The following FBP2 variants were observed in gnomAD, a reference collection of about 807,000 sequenced individuals.
FBP2 encodes fructose-1,6-bisphosphatase isozyme 2.
Under a neutral mutation model 31.6 loss-of-function variants are expected in FBP2, and 27 were observed. The ratio of observed to expected loss-of-function variants is 0.85; its 90% CI spans 0.63 to 1.18. The LOEUF (loss-of-function observed/expected upper bound fraction) is 1.18, where lower values mean the gene tolerates loss of function less well. Ranked by LOEUF, FBP2 falls within the 50% of genes most tolerant of loss-of-function variation. The pLI is 0.00. For missense variants in FBP2, 421 were observed against 436.1 expected (o/e 0.97, Z 0.31); for synonymous variants, 168 against 179.8 (o/e 0.93, Z 0.53).
Position 94,593,721 on chromosome 9 carries a change from C to G in FBP2, c.6G>C (p.Thr2=), listed in dbSNP as rs770271718. The G allele has an allele frequency of 1.9e-6, 3 of 1,614,024 alleles. No homozygotes were observed. The highest frequency in any genetic ancestry group is 1.7e-6 in the Non-Finnish European group (2 of 1,179,952). The stretch of plus-strand genomic sequence containing the variant: ...TGTCGGTTTCGAAGGGGCTTCTGTC[C>G]GTCATTTTGGCTGGAATGCTTCAAA... M[T]DRSPFETDML... The change falls in exon 1 of 7, where the codon ACG becomes ACC. Residue 2 remains threonine (T), a synonymous_variant. Coordinates refer to ENST00000375337, the MANE Select transcript of FBP2 (RefSeq NM_003837.4).
At chr9:94,582,367 T>C (rs1428479556) in intron 3 of FBP2, among the ~76,000 whole-genome samples, 1 of 151,666 alleles carries the variant, frequency 6.6e-6, no homozygotes, top group Non-Finnish European at 1.5e-5. Flanking sequence ...TGTGTGTGTG[T>C]GTGTGTGTGT....
chr9:94,589,799 G>C (rs1018697792), intron 1 of FBP2, among the ~76,000 whole-genome samples: 2 of 147,880 alleles, frequency 1.4e-5, no homozygotes, highest in African/African-American at 5.0e-5. Flanking sequence ...TGAGCAGTCA[G>C]CTGTCTTGGA....
intron 3 of FBP2, among the ~76,000 whole-genome samples, chr9:94,575,297 T>A (rs1280789288): frequency 1.3e-5 from 2 of 152,174 alleles, no homozygotes; most frequent in Admixed American, 1.3e-4. Flanking sequence ...CACTATCACC[T>A]CCTGCCAAAG....
At chr9:94,566,193 G>A (rs1827186846) in intron 5 of FBP2, among the ~76,000 whole-genome samples, 1 of 152,180 alleles carries the variant, frequency 6.6e-6, no homozygotes, top group Non-Finnish European at 1.5e-5. Context: ...GCACTGTTGG[G>A]AACAGGCCCC....
intron 3 of FBP2, among the ~76,000 whole-genome samples, chr9:94,575,017 G>A (rs1827302780): frequency 6.6e-6 from 1 of 152,014 alleles, no homozygotes; most frequent in Non-Finnish European, 1.5e-5. Context: ...CTACTTTTTG[G>A]TAAAATTAAT....
At chr9:94,591,329 C>A (rs541931569) in intron 1 of FBP2, among the ~76,000 whole-genome samples, 15 of 152,342 alleles carry the variant, frequency 9.8e-5, no homozygotes, top group South Asian at 4.1e-4. Flanking sequence ...TCGAGCGCAG[C>A]GCCAGTGGGC....
rs754176336 is a variant in FBP2 at position 94,563,431 on chromosome 9, C to T, written c.736G>A (p.Val246Met). Reference protein sequence around the residue: ...DGSAPYGARYVGSMVADVHRT... With the variant: ...DGSAPYGARYMGSMVADVHRT... ...TGCACGTCAGCCACCATGGAGCCCA[C>T]ATACCTGGCCCCATAGGGAGCACTG... Residue 246 changes from valine to methionine, a missense_variant, in exon 6 of 7, where the codon GTG becomes ATG. Transcript: ENST00000375337. 3 of 1,614,018 alleles carry T rather than the reference C, an allele frequency of 1.9e-6. No homozygotes were observed. The South Asian group carries it at 3.3e-5, about 18-fold the overall frequency.
intron 5 of FBP2, among the ~76,000 whole-genome samples, chr9:94,566,148 C>A (rs574661793): frequency 6.6e-6 from 1 of 152,206 alleles, no homozygotes; most frequent in African/African-American, 2.4e-5. Flanking sequence ...CTTTTGACTT[C>A]TTTTTGTTTC....
intron 5 of FBP2, 136 bp downstream of exon 5, chr9:94,567,134 T>TC (rs11370106): frequency 0.45 from 352,198 of 774,652 alleles, 83,541 homozygotes; most frequent in East Asian, 0.62. Flanking sequence ...AAAGGCAGAG[T>TC]CCATCATCTT....
Position 94,584,658 on chromosome 9 carries a change from C to A in FBP2, c.345G>T (p.Val115=). 1.2e-6 allele frequency: 2 copies of A among 1,610,178 alleles called. No homozygotes were observed. The highest frequency in any genetic ancestry group is 3.3e-5 in the Admixed American group (2 of 60,004). The change falls in exon 3 of 7, where the codon GTG becomes GTT. Residue 115 remains valine (V), a synonymous_variant. Transcript: ENST00000375337. ...ITAKEKRGKY[V]VCFDPLDGSS... is the part of the protein sequence containing the mutation. ...ATCCATCCAGTGGGTCAAAGCAGAC[C>A]ACGTATTTCCCCTAAATCAGAGAGG...
At chr9:94,564,688 A>G (rs889802198) in intron 5 of FBP2, among the ~76,000 whole-genome samples, 3 of 152,116 alleles carry the variant, frequency 2.0e-5, no homozygotes, top group African/African-American at 7.2e-5. Flanking sequence ...GAGGGGGAGG[A>G]GCAGAAAAGA....
At chr9:94,582,848 CCCTTT>C in intron 3 of FBP2, among the ~76,000 whole-genome samples, 1 of 141,994 alleles carries the variant, frequency 7.0e-6, no homozygotes, top group South Asian at 2.2e-4. Flanking sequence ...CTTCCCAGCC[CCCTTT>C]TTTTTTTTTT....
In FBP2 at chr9:94,559,113, C is replaced by T; in HGVS notation, c.845G>A (p.Cys282Tyr). ...CTCAATGATGTAGGCCACGGGATTG[C>T]ATTCATACAGGAGCCGGAGCTGTGG... The part of the protein sequence containing the change: ...PKGKLRLLYE[C>Y]NPVAYIIEQA... The change falls in exon 7 of 7, where the codon TGC becomes TAC. Residue 282 changes from cysteine to tyrosine, a missense_variant. Cys to Tyr is a radical substitution (Grantham distance 194). Coordinates refer to ENST00000375337, the MANE Select transcript of FBP2 (RefSeq NM_003837.4). The T allele has an allele frequency of 1.9e-6, 3 of 1,612,508 alleles. No homozygotes were observed. The highest frequency in any genetic ancestry group is 2.5e-6 in the Non-Finnish European group (3 of 1,179,138).
intron 2 of FBP2, among the ~76,000 whole-genome samples, chr9:94,586,230 C>A (rs1259170394): frequency 2.6e-5 from 4 of 152,020 alleles, no homozygotes; most frequent in Non-Finnish European, 5.9e-5. Context: ...CAAAAATTAG[C>A]GGGGCATGGT....
chr9:94,593,807 A>T lies in FBP2; in HGVS notation c.-81T>A. 1 of 1,494,780 alleles carries T rather than the reference A, an allele frequency of 6.7e-7. No homozygotes were observed. The highest frequency in any genetic ancestry group is 2.3e-5 in the East Asian group (1 of 43,690). The allele number at this position is 1,494,780 out of a possible 1,614,324, so 92.6% of individuals were successfully genotyped here. ...GAGGGCTGCAGCTCCGCAGTGTGGA[A>T]GCCGATAAGAAATCTGTGCTGGCCC... On this transcript the variant is annotated 5_prime_UTR_variant, in exon 1 of 7. Coordinates refer to ENST00000375337, the MANE Select transcript of FBP2 (RefSeq NM_003837.4).
At chr9:94,581,897 C>T (rs1025171371) in intron 3 of FBP2, among the ~76,000 whole-genome samples, 2 of 152,150 alleles carry the variant, frequency 1.3e-5, no homozygotes, top group African/African-American at 4.8e-5. Flanking sequence ...AATAAAATAC[C>T]CAATTAGAAA....
chr9:94,590,447 C>T (rs543025814), intron 1 of FBP2, among the ~76,000 whole-genome samples: 2 of 42,534 alleles, frequency 4.7e-5, no homozygotes, highest in African/African-American at 2.7e-4. Flanking sequence ...GGCTTGCGGT[C>T]CCCTGCCTGG....
chr9:94,566,349 G>A (rs758168204), intron 5 of FBP2, among the ~76,000 whole-genome samples: 1 of 152,216 alleles, frequency 6.6e-6, no homozygotes, highest in Admixed American at 6.5e-5. Context: ...GCCCGCCCAG[G>A]GTGGAAAACC....
intron 3 of FBP2, among the ~76,000 whole-genome samples, chr9:94,572,423 C>T (rs781648): frequency 0.96 from 146,480 of 152,282 alleles, 70,468 homozygotes; most frequent in East Asian, 1. Flanking sequence ...AAACCTAGAA[C>T]TGGAGTACAG....
Sources: gnomAD v4.1 joint callset for allele counts (sites outside exome capture counted in the v4.1 genomes callset) on GRCh38, gnomAD v4.1.1 for gene constraint, MANE v1.5 for transcripts, NCBI Gene and HGNC (gene_info 2026-07-23, HGNC 2026-07-21) for gene names.